EPHA3: variants seen among roughly 807,000 people sequenced by gnomAD.
The protein encoded by EPHA3 is EPH receptor A3, also known as ephrin type-A receptor 3.
In EPHA3, 42 loss-of-function variants were observed where a neutral mutation model predicts 107.1. The ratio of observed to expected loss-of-function variants is 0.39; its 90% CI spans 0.31 to 0.51. The LOEUF (loss-of-function observed/expected upper bound fraction) is 0.51, where lower values mean the gene tolerates loss of function less well. Ranked by LOEUF, EPHA3 falls within the 20% of genes least tolerant of loss-of-function variation. The probability of loss-of-function intolerance (pLI) is 0.78; values close to 1 mark genes in which losing one functional copy is unlikely to be tolerated. For synonymous variants in EPHA3, 461 were observed against 424.8 expected (o/e 1.09, Z -1.05); for missense variants, 1,183 against 1,211.2 (o/e 0.98, Z 0.35).
chr3:89,190,253 T>C (rs1428281373), intron 2 of EPHA3, among the ~76,000 whole-genome samples: 2 of 152,202 alleles, frequency 1.3e-5, no homozygotes, highest in African/African-American at 4.8e-5. Flanking sequence ...ATGATAGTAC[T>C]TTAAATTATT....
intron 3 of EPHA3, among the ~76,000 whole-genome samples, chr3:89,334,230 C>T (rs1396147658): frequency 6.6e-6 from 1 of 152,110 alleles, no homozygotes; most frequent in Non-Finnish European, 1.5e-5. Flanking sequence ...ACTATAAAAC[C>T]AATATGCCCT....
In EPHA3 at chr3:89,419,262, C is replaced by G; in HGVS notation, c.1946C>G (p.Ser649Ter). ...RLKLPSKKEI[S>*]VAIKTLKVGY... ...AAACTTCCTTCAAAAAAAGAGATTTCAGTGGCCATTAAGACCCTGAAAGTT... is the reference window on the plus strand; with the variant it reads ...AAACTTCCTTCAAAAAAAGAGATTTGAGTGGCCATTAAGACCCTGAAAGTT... The change falls in exon 11 of 17, where the codon TCA (serine) becomes TGA (stop). Residue 649 changes from serine (S) to a stop codon, truncating the protein, a stop_gained. Transcript: ENST00000336596. LOFTEE classifies it high-confidence loss of function. The G allele has an allele frequency of 6.2e-7, 1 of 1,610,230 alleles. No individual in the cohort carries two copies. The highest frequency in any genetic ancestry group is 8.5e-7 in the Non-Finnish European group (1 of 1,177,636).
intron 3 of EPHA3, among the ~76,000 whole-genome samples, chr3:89,226,036 C>T (rs1168186377): frequency 3.3e-5 from 5 of 152,162 alleles, no homozygotes; most frequent in East Asian, 1.9e-4. Flanking sequence ...ATTATATTCA[C>T]TCCACTCTGG....
intron 16 of EPHA3, among the ~76,000 whole-genome samples, chr3:89,477,855 A>G (rs904588803): frequency 6.6e-6 from 1 of 152,180 alleles, no homozygotes; most frequent in Non-Finnish European, 1.5e-5. Flanking sequence ...CCCAGTTCAC[A>G]TGGAATTTAC....
intron 13 of EPHA3, among the ~76,000 whole-genome samples, chr3:89,446,181 A>T (rs1187639696): frequency 2.0e-5 from 3 of 152,220 alleles, no homozygotes; most frequent in Non-Finnish European, 4.4e-5. Context: ...TATTCTGGAA[A>T]TAATTTGCTT....
intron 5 of EPHA3, among the ~76,000 whole-genome samples, chr3:89,391,077 C>A (rs1389074098): frequency 1.3e-5 from 2 of 152,120 alleles, no homozygotes; most frequent in Non-Finnish European, 2.9e-5. Context: ...CGAGCCACTG[C>A]ACCTGGCCTG....
chr3:89,476,967 A>G (rs1710528327), intron 16 of EPHA3, among the ~76,000 whole-genome samples: 1 of 152,114 alleles, frequency 6.6e-6, no homozygotes, highest in Admixed American at 6.6e-5. Context: ...AGGATATGGT[A>G]TTGGAAGAAG....
At chr3:89,430,215 C>T (rs2107535800) in intron 12 of EPHA3, among the ~76,000 whole-genome samples, 1 of 152,144 alleles carries the variant, frequency 6.6e-6, no homozygotes, top group Middle Eastern at 3.4e-3. Context: ...AGGCCCTGTC[C>T]TCAAGGTGCT....
chr3:89,356,472 T>G (rs1707960167), intron 5 of EPHA3, among the ~76,000 whole-genome samples: 1 of 151,266 alleles, frequency 6.6e-6, no homozygotes, highest in African/African-American at 2.4e-5. Context: ...TGTTCCTATT[T>G]CTCCACATCC....
chr3:89,187,134 A>AT (rs1276010083), intron 2 of EPHA3, among the ~76,000 whole-genome samples: 2 of 151,580 alleles, frequency 1.3e-5, no homozygotes, highest in Admixed American at 1.3e-4. Context: ...CCTCACGAAT[A>AT]TTTTTATGTT....
chr3:89,429,850 G>A (rs1474939644), intron 12 of EPHA3, among the ~76,000 whole-genome samples: 7 of 152,060 alleles, frequency 4.6e-5, no homozygotes, highest in South Asian at 4.1e-4. Flanking sequence ...TGCAATCCCC[G>A]CCTGCTGGGT....
intron 3 of EPHA3, among the ~76,000 whole-genome samples, chr3:89,305,154 A>C (rs1163305393): frequency 2.6e-5 from 4 of 152,150 alleles, no homozygotes; most frequent in Admixed American, 1.3e-4. Flanking sequence ...AATACTTTCC[A>C]TATTCTCACA....
At chr3:89,384,185 CTG>C (rs1266432091) in intron 5 of EPHA3, among the ~76,000 whole-genome samples, 1 of 151,890 alleles carries the variant, frequency 6.6e-6, no homozygotes, top group Non-Finnish European at 1.5e-5. Flanking sequence ...TGATTATCAA[CTG>C]TAGTTTTAAA....
chr3:89,455,343 G>A (rs1172083734), intron 15 of EPHA3, among the ~76,000 whole-genome samples: 2 of 152,092 alleles, frequency 1.3e-5, no homozygotes, highest in African/African-American at 2.4e-5. Context: ...TCTTGGCACA[G>A]GATTAAAAAA....
chr3:89,391,883 T>A, intron 5 of EPHA3, among the ~76,000 whole-genome samples: 1 of 152,186 alleles, frequency 6.6e-6, no homozygotes, highest in Non-Finnish European at 1.5e-5. Flanking sequence ...ATATTAATAT[T>A]ATTTCTCTCT....
intron 2 of EPHA3, among the ~76,000 whole-genome samples, chr3:89,153,212 G>A (rs1232817436): frequency 2.0e-5 from 3 of 152,050 alleles, no homozygotes; most frequent in African/African-American, 7.2e-5. Context: ...TCATCTTGAA[G>A]CAGGTAAATG....
At chr3:89,194,870 G>A (rs1286901791) in intron 2 of EPHA3, among the ~76,000 whole-genome samples, 8 of 151,796 alleles carry the variant, frequency 5.3e-5, no homozygotes, top group Non-Finnish European at 7.4e-5. Context: ...ATACCATGCC[G>A]AACTTGAAAA....
chr3:89,386,260 G>T lies in EPHA3; in HGVS notation c.1307-9577G>T, dbSNP rs565531417. On this transcript the variant is annotated intron_variant, in intron 5 of 16. Coordinates refer to ENST00000336596, the MANE Select transcript of EPHA3 (RefSeq NM_005233.6). ...AATCGGGAAAACATCTCCAGGGCATGTCAGATATCTTTTTGACAGGCCAGG... is the reference window on the plus strand; with the variant it reads ...AATCGGGAAAACATCTCCAGGGCATTTCAGATATCTTTTTGACAGGCCAGG... Among the ~76,000 whole-genome samples, 101 of 152,306 alleles carry T rather than the reference G, an allele frequency of 6.6e-4. 1 individual carries two copies. Among genetic ancestry groups the T allele is most frequent in the African/African-American group, 2.4e-3 (98 of 41,580 alleles).
At chr3:89,479,336 A>G in intron 16 of EPHA3, 61 bp from the exon 17 acceptor site, 1 of 1,363,954 alleles carries the variant, frequency 7.3e-7, no homozygotes, top group East Asian at 2.3e-5. Flanking sequence ...TGCTAATTGA[A>G]AATCTCCTGC....
Sources: allele counts gnomAD v4.1 joint callset (sites outside exome capture counted in the v4.1 genomes callset), GRCh38; gene constraint gnomAD v4.1.1; transcripts MANE v1.5; gene names NCBI Gene and HGNC (gene_info 2026-07-23, HGNC 2026-07-21).